The following KDM2B variants were observed in gnomAD, a reference collection of about 807,000 sequenced individuals.
KDM2B encodes the protein lysine demethylase 2B, also known as lysine-specific demethylase 2B.
Under a neutral mutation model 150.0 loss-of-function variants are expected in KDM2B, and 26 were observed. The observed-to-expected ratio is 0.17, with a 90% confidence interval of 0.13 to 0.24. The LOEUF (loss-of-function observed/expected upper bound fraction) is 0.24. Among genes scored for constraint, KDM2B ranks in the 10% least tolerant of loss-of-function variants. KDM2B has a pLI of 1.00. For missense variants in KDM2B, 1,265 were observed against 1,816.9 expected (o/e 0.70, Z 5.52); for synonymous variants, 734 against 729.5 (o/e 1.01, Z -0.10).
chr12:121,442,090 C>T lies in KDM2B; in HGVS notation c.3284+67G>A. 1 of 1,344,024 alleles carries T rather than the reference C, an allele frequency of 7.4e-7. No individual in the cohort carries two copies. The highest frequency in any genetic ancestry group is 1.2e-5 in the South Asian group (1 of 84,250). 83.3% of individuals were successfully genotyped at this position (1,344,024 alleles called of 1,614,324 possible). On this transcript the variant is annotated intron_variant, in intron 19 of 22. Coordinates refer to ENST00000377071, the MANE Select transcript of KDM2B (RefSeq NM_032590.5). The surrounding 1 kb of genome is among the most constrained non-coding windows in gnomAD (Gnocchi z 7.7). ...GGAAAGAGCATCGCCAGCGACTCCA[C>T]ACACCACGGGCCATCCCTGGTGCCG...
the KDM2B span, chr12:121,418,576 C>T: frequency 6.6e-6 from 1 of 152,340 alleles, no homozygotes; most frequent in East Asian, 1.9e-4. Flanking sequence ...TAGAGGAAAG[C>T]TGGATGCGGT....
intron 4 of KDM2B, among the ~76,000 whole-genome samples, chr12:121,563,993 T>C (rs1298352363): frequency 6.6e-6 from 1 of 151,962 alleles, no homozygotes; most frequent in African/African-American, 2.4e-5. Flanking sequence ...GGCGCACCTG[T>C]AGTCCCAGCT....
At chr12:121,560,459 T>C (rs1890256183) in intron 4 of KDM2B, among the ~76,000 whole-genome samples, 1 of 152,112 alleles carries the variant, frequency 6.6e-6, no homozygotes, top group South Asian at 2.1e-4. Flanking sequence ...AACAAGCAGC[T>C]CAGGCTGATG....
intron 12 of KDM2B, chr12:121,470,468 T>C (rs1200450472): frequency 5.3e-5 from 8 of 152,108 alleles, no homozygotes; most frequent in African/African-American, 1.9e-4. Context: ...TATAATACCA[T>C]CCAGAGAAAG....
At chr12:121,461,991 C>T (rs186020202) in intron 12 of KDM2B, among the ~76,000 whole-genome samples, 2 of 152,310 alleles carry the variant, frequency 1.3e-5, no homozygotes, top group Non-Finnish European at 2.9e-5. Flanking sequence ...TTACAAGTTT[C>T]AACTGTCAAG....
At position 121,549,677 on chromosome 12, in the gene KDM2B, T is replaced by A. The variant is rs935161918; in HGVS notation, c.398-39A>T. The A allele has an allele frequency of 2.0e-6, 3 of 1,521,264 alleles. No individual in the cohort carries two copies. Among genetic ancestry groups the A allele is most frequent in the Non-Finnish European group, 2.7e-6 (3 of 1,125,786 alleles). The allele number at this position is 1,521,264 out of a possible 1,614,324, so 94.2% of individuals were successfully genotyped here. A position where few individuals can be genotyped will look rare whatever the true frequency, so the allele number is the denominator to read the frequency against. ...CCACACACTGGTTGTTCCTGCCGGC[T>A]TAAGGCTCCAGATCCTACATGGGAG... On this transcript the variant is annotated intron_variant, in intron 4 of 22. Transcript: ENST00000377071. The surrounding 1 kb of genome is among the most constrained non-coding windows in gnomAD (Gnocchi z 4.4).
At chr12:121,567,002 C>T (rs1890750623) in intron 4 of KDM2B, among the ~76,000 whole-genome samples, 1 of 151,968 alleles carries the variant, frequency 6.6e-6, no homozygotes, top group Admixed American at 6.6e-5. Flanking sequence ...CTGCCTCAGC[C>T]TCCTGAGTAG....
At chr12:121,447,053 A>C (rs1186890544) in intron 13 of KDM2B, among the ~76,000 whole-genome samples, 1 of 152,158 alleles carries the variant, frequency 6.6e-6, no homozygotes, top group Non-Finnish European at 1.5e-5. Flanking sequence ...CATTGCAACT[A>C]AACTTTAAAA....
Position 121,520,871 on chromosome 12 carries a change from T to A in KDM2B, c.1047+114A>T. The A allele has an allele frequency of 4.4e-6, 2 of 449,830 alleles. No homozygotes were observed. The highest frequency in any genetic ancestry group is 2.0e-5 in the South Asian group (1 of 50,900). The allele number at this position is 449,830 out of a possible 1,614,324, so 27.9% of individuals were successfully genotyped here. On this transcript the variant is annotated intron_variant, in intron 9 of 22. Transcript: ENST00000377071. The surrounding 1 kb of genome is among the most constrained non-coding windows in gnomAD (Gnocchi z 4.5). Reference sequence around the variant, plus strand: ...GACTGAAGCCAGCTTGAGAGAGGAATCGGGAGGGAGAGGGGAACTGTGGAG... The same window carrying A: ...GACTGAAGCCAGCTTGAGAGAGGAAACGGGAGGGAGAGGGGAACTGTGGAG...
At position 121,580,793 on chromosome 12, in the gene KDM2B, G is replaced by A. The variant is rs781925558; in HGVS notation, c.119C>T (p.Ala40Val). The A allele has an allele frequency of 6.2e-6, 10 of 1,613,090 alleles. No homozygotes were observed. Among genetic ancestry groups the A allele is most frequent in the Middle Eastern group, 1.6e-4 (1 of 6,084 alleles). ...IYTKCFEFES[A>V]TQRPIDRQRY... ...CCCCTCCCCCAACATTACCTGTGTGGCCGACTCAAATTCAAAGCATTTTGT... is the reference window on the plus strand; with the variant it reads ...CCCCTCCCCCAACATTACCTGTGTGACCGACTCAAATTCAAAGCATTTTGT... The change falls in exon 1 of 23, where the codon GCC (alanine) becomes GTC (valine). Residue 40 changes from alanine (A) to valine (V), a missense_variant. Ala to Val is a moderately conservative substitution (Grantham distance 64). Coordinates refer to ENST00000377071, the MANE Select transcript of KDM2B (RefSeq NM_032590.5).
chr12:121,438,426 T>C (rs1214716857), intron 22 of KDM2B, among the ~76,000 whole-genome samples: 1 of 152,076 alleles, frequency 6.6e-6, no homozygotes, highest in Non-Finnish European at 1.5e-5. Flanking sequence ...GCATCCATAA[T>C]AACTAAACCA....
intron 12 of KDM2B, among the ~76,000 whole-genome samples, chr12:121,464,500 G>A (rs111809061): frequency 4.6e-5 from 7 of 152,364 alleles, no homozygotes; most frequent in Non-Finnish European, 7.3e-5. Context: ...GGCTGCTGAG[G>A]GAAGGCATGG....
chr12:121,495,144 A>G (rs1378800718), intron 11 of KDM2B, among the ~76,000 whole-genome samples: 1 of 151,284 alleles, frequency 6.6e-6, no homozygotes, highest in South Asian at 2.1e-4. Context: ...CCACAGGTGC[A>G]TGGCACCCTC....
At chr12:121,424,710 C>CA (rs112812260), downstream of KDM2B, among the ~76,000 whole-genome samples, 24,919 of 116,072 alleles carry the variant, frequency 0.21, 3,393 homozygotes, top group African/African-American at 0.42. Context: ...GACCTTGTCT[C>CA]AAAAAAAAAA....
chr12:121,451,714 C>G (rs1266747913), intron 13 of KDM2B, among the ~76,000 whole-genome samples: 1 of 152,018 alleles, frequency 6.6e-6, no homozygotes, highest in Non-Finnish European at 1.5e-5. Flanking sequence ...GAGTTCGAGA[C>G]CAGCCTGGCC....
intron 12 of KDM2B, among the ~76,000 whole-genome samples, chr12:121,488,515 A>T (rs1331016546): frequency 5.9e-5 from 9 of 152,242 alleles, no homozygotes; most frequent in African/African-American, 1.7e-4. Flanking sequence ...ACAGCTAGTC[A>T]GTGGTGAAGG....
intron 12 of KDM2B, among the ~76,000 whole-genome samples, chr12:121,491,187 C>A (rs998784212): frequency 6.6e-6 from 1 of 152,222 alleles, no homozygotes; most frequent in Non-Finnish European, 1.5e-5. Context: ...GAAACCTGCA[C>A]ATCTGGGGTC....
At chr12:121,552,067 C>G (rs1555311900) in intron 4 of KDM2B, among the ~76,000 whole-genome samples, 1 of 152,204 alleles carries the variant, frequency 6.6e-6, no homozygotes, top group Non-Finnish European at 1.5e-5. Context: ...GCAACTGGCT[C>G]AAGCTCCCCA....
intron 8 of KDM2B, among the ~76,000 whole-genome samples, chr12:121,530,645 G>T (rs559494196): frequency 8.6e-5 from 13 of 151,676 alleles, no homozygotes; most frequent in Admixed American, 7.9e-4. Flanking sequence ...CTTCAGGCCA[G>T]AAGTCTTTGC....
Sources: gnomAD v4.1 joint callset for allele counts (sites outside exome capture counted in the v4.1 genomes callset) on GRCh38, gnomAD v4.1.1 for gene constraint, Gnocchi (gnomAD v3.1) non-coding constraint, MANE v1.5 for transcripts, NCBI Gene and HGNC (gene_info 2026-07-23, HGNC 2026-07-21) for gene names.